The following TYW1B variants were observed in gnomAD, a reference collection of about 807,000 sequenced individuals.
TYW1B encodes the protein S-adenosyl-L-methionine-dependent tRNA 4-demethylwyosine synthase TYW1B.
TYW1B carries 73 observed loss-of-function variants against 86.9 expected under a neutral mutation model. The observed-to-expected ratio is 0.84, with a 90% CI of 0.70 to 1.02. The LOEUF (loss-of-function observed/expected upper bound fraction) is 1.02. Among genes scored for constraint, TYW1B ranks in the 50% least tolerant of loss-of-function variants. TYW1B has a pLI of 0.00. For synonymous variants in TYW1B, 248 were observed against 292.8 expected (o/e 0.85, Z 1.56); for missense variants, 637 against 827.4 (o/e 0.77, Z 2.82).
chr7:72,617,369 C>T (rs2421399), intron 12 of TYW1B, among the ~76,000 whole-genome samples: 32,620 of 138,752 alleles, frequency 0.24, 4,182 homozygotes, highest in East Asian at 0.56. Flanking sequence ...AAAATTATTA[C>T]TATTATCATT....
intron 7 of TYW1B, among the ~76,000 whole-genome samples, chr7:72,768,569 C>T (rs1165569604): frequency 2.6e-5 from 4 of 152,024 alleles, no homozygotes; most frequent in Admixed American, 1.3e-4. Context: ...GGGCGGATCA[C>T]GAGGTCAGGA....
At chr7:72,778,133 A>G (rs1787989215) in intron 6 of TYW1B, among the ~76,000 whole-genome samples, 1 of 152,074 alleles carries the variant, frequency 6.6e-6, no homozygotes, top group Admixed American at 6.6e-5. Flanking sequence ...AGTGTCAAAC[A>G]TTTTCAGCAA....
In TYW1B at chr7:72,807,157, T is replaced by C. The variant is rs782476993; in HGVS notation, c.632A>G (p.Lys211Arg). ...TTGGTGAGATTCACATTTGCCTTTCTTGCAGTGGCCGCCACAGGACTTCTT... is the reference window on the plus strand; with the variant it reads ...TTGGTGAGATTCACATTTGCCTTTCCTGCAGTGGCCGCCACAGGACTTCTT... ...ERKKSCGGHC[K>R]KGKCESHQHG... The change falls in exon 5 of 14, where the codon AAG (lysine) becomes AGG (arginine). Residue 211 changes from lysine to arginine, a missense_variant. Physicochemically the swap from Lys to Arg is conservative, Grantham distance 26. Coordinates refer to ENST00000620995, the MANE Select transcript of TYW1B (RefSeq NM_001145440.3). 1.9e-6 allele frequency: 3 copies of C among 1,613,976 alleles called. No homozygotes were observed. The highest frequency in any genetic ancestry group is 2.2e-5 in the East Asian group (1 of 44,892).
intron 12 of TYW1B, among the ~76,000 whole-genome samples, chr7:72,618,551 G>C (rs559073083): frequency 1.2e-4 from 19 of 152,170 alleles, no homozygotes; most frequent in African/African-American, 3.9e-4. Flanking sequence ...AATGAGCAGA[G>C]TGACCCTGAC....
At chr7:72,719,631 CAAAAAAAAAAA>C (rs67560586) in intron 9 of TYW1B, among the ~76,000 whole-genome samples, 31 of 65,074 alleles carry the variant, frequency 4.8e-4, no homozygotes, top group African/African-American at 1.2e-3. Flanking sequence ...ATTCCGTCTC[CAAAAAAAAAAA>C]AAAAAAAAAA....
intron 9 of TYW1B, among the ~76,000 whole-genome samples, chr7:72,719,927 G>A (rs1378466322): frequency 6.6e-6 from 1 of 152,128 alleles, no homozygotes; most frequent in East Asian, 1.9e-4. Flanking sequence ...ATTTTGAGAA[G>A]AGGGTGGCAT....
chr7:72,724,776 G>C (rs1168067976), intron 9 of TYW1B, among the ~76,000 whole-genome samples: 1 of 152,092 alleles, frequency 6.6e-6, no homozygotes, highest in Non-Finnish European at 1.5e-5. Flanking sequence ...GAATTACCAG[G>C]GTAAAATAGA....
intron 8 of TYW1B, among the ~76,000 whole-genome samples, chr7:72,733,910 C>T (rs1215717903): frequency 6.6e-6 from 1 of 151,950 alleles, no homozygotes; most frequent in Non-Finnish European, 1.5e-5. Flanking sequence ...CCCAAATAGC[C>T]AAAGAAATCC....
intron 9 of TYW1B, among the ~76,000 whole-genome samples, chr7:72,727,035 A>C (rs1248310762): frequency 6.6e-6 from 1 of 152,140 alleles, no homozygotes; most frequent in Non-Finnish European, 1.5e-5. Context: ...CCCACGTTTC[A>C]ATTACCTCCA....
intron 13 of TYW1B, among the ~76,000 whole-genome samples, chr7:72,601,156 A>T (rs117748072): frequency 0.015 from 2,270 of 152,062 alleles, 32 homozygotes; most frequent in Admixed American, 0.024. Flanking sequence ...TATAAAAAAA[A>T]AAAATAAAAA....
intron 13 of TYW1B, among the ~76,000 whole-genome samples, chr7:72,607,405 A>G (rs1399912400): frequency 2.7e-5 from 4 of 150,890 alleles, no homozygotes; most frequent in East Asian, 3.9e-4. Context: ...AAAAAAAAAA[A>G]AAAAGAAAAG....
At chr7:72,661,952 G>T (rs1245679307) in intron 11 of TYW1B, among the ~76,000 whole-genome samples, 2 of 152,086 alleles carry the variant, frequency 1.3e-5, no homozygotes, top group Admixed American at 1.3e-4. Context: ...GGAAGTTCTA[G>T]AAAACTAGGC....
chr7:72,632,273 ATATATATACGTG>A (rs1812510764), intron 11 of TYW1B, among the ~76,000 whole-genome samples: 1 of 100,124 alleles, frequency 1.0e-5, no homozygotes, highest in African/African-American at 5.2e-5. Flanking sequence ...AAATATATAT[ATATATATACGTG>A]TATATATATA....
chr7:72,775,093 G>A (rs1206309298), intron 7 of TYW1B, among the ~76,000 whole-genome samples: 1 of 152,096 alleles, frequency 6.6e-6, no homozygotes, highest in Non-Finnish European at 1.5e-5. Context: ...TGAAAACATA[G>A]CAATAGAAAC....
At chr7:72,737,167 T>G (rs1787211046) in intron 8 of TYW1B, among the ~76,000 whole-genome samples, 1 of 152,224 alleles carries the variant, frequency 6.6e-6, no homozygotes, top group Non-Finnish European at 1.5e-5. Flanking sequence ...AAGAATCCAC[T>G]GCAAGAAAAG....
chr7:72,607,223 T>G (rs1811820808), intron 13 of TYW1B, among the ~76,000 whole-genome samples: 1 of 151,064 alleles, frequency 6.6e-6, no homozygotes, highest in South Asian at 2.1e-4. Context: ...AGAAACCCCA[T>G]CTCTAATAAA....
chr7:72,602,230 C>T (rs1415896119), intron 13 of TYW1B, among the ~76,000 whole-genome samples: 24 of 152,058 alleles, frequency 1.6e-4, no homozygotes, highest in African/African-American at 5.8e-4. Context: ...CTGCACATAG[C>T]GCTGTGCTCC....
chr7:72,750,847 T>C (rs1787487401), intron 7 of TYW1B, among the ~76,000 whole-genome samples: 2 of 152,146 alleles, frequency 1.3e-5, no homozygotes, highest in African/African-American at 4.8e-5. Flanking sequence ...AAATCCGACA[T>C]CCAAAACATT....
chr7:72,596,918 TCAACAACAA>T (rs572501145), intron 13 of TYW1B, among the ~76,000 whole-genome samples: 1 of 144,480 alleles, frequency 6.9e-6, no homozygotes, highest in African/African-American at 2.6e-5. Flanking sequence ...TGCCTAAAAC[TCAACAACAA>T]CAACAACAAC....
Sources: gnomAD v4.1 joint callset for allele counts (sites outside exome capture counted in the v4.1 genomes callset) on GRCh38, gnomAD v4.1.1 for gene constraint, MANE v1.5 for transcripts, NCBI Gene and HGNC (gene_info 2026-07-23, HGNC 2026-07-21) for gene names.